TENT4B: variants seen among roughly 807,000 people sequenced by gnomAD.
TENT4B encodes the protein PAP associated domain containing 5.
In TENT4B, 10 loss-of-function variants were observed where a neutral mutation model predicts 75.0. The observed-to-expected ratio is 0.13, with a 90% confidence interval of 0.08 to 0.23. The LOEUF (loss-of-function observed/expected upper bound fraction) is 0.23. Among genes scored for constraint, TENT4B ranks in the 10% least tolerant of loss-of-function variants. The probability of loss-of-function intolerance (pLI) is 1.00; values close to 1 mark genes in which losing one functional copy is unlikely to be tolerated. For missense variants in TENT4B, 579 were observed against 893.8 expected, an observed-to-expected ratio of 0.65 and a Z score of 4.49; for synonymous variants, 350 against 357.7, an observed-to-expected ratio of 0.98 and a Z score of 0.24.
chr16:50,155,272 GGTGT>G lies in TENT4B; in HGVS notation c.638+1050_638+1053del, dbSNP rs60683678. 5.2e-4 allele frequency among the ~76,000 whole-genome samples: 71 copies of G among 135,478 alleles called. 1 individual carries two copies. Among genetic ancestry groups the G allele is most frequent in the South Asian group, 5.0e-3 (19 of 3,838 alleles). 88.9% of individuals were successfully genotyped at this position (135,478 alleles called of 152,430 possible). ...TAAAACAAAGCTTTTGGGTCTCGTG[GGTGT>G]GTGTGTGTGTGTGTGTGTGTGTGTG... On this transcript the variant is annotated intron_variant, in intron 1 of 11. Transcript: ENST00000561678.
At chr16:50,191,426 A>T (rs925572692) in intron 1 of TENT4B, among the ~76,000 whole-genome samples, 1 of 152,114 alleles carries the variant, frequency 6.6e-6, no homozygotes, top group South Asian at 2.1e-4. Flanking sequence ...AGTATGTTTA[A>T]CATTATTTAT....
chr16:50,172,332 G>A (rs2038221253), intron 1 of TENT4B, among the ~76,000 whole-genome samples: 2 of 151,820 alleles, frequency 1.3e-5, no homozygotes, highest in Non-Finnish European at 2.9e-5. Flanking sequence ...GTGACAGAGC[G>A]AGACTCTGTC....
intron 2 of TENT4B, among the ~76,000 whole-genome samples, chr16:50,212,335 G>T (rs1232508235): frequency 1.3e-5 from 2 of 152,126 alleles, no homozygotes; most frequent in Admixed American, 1.3e-4. Context: ...TAGGATTACA[G>T]GTGTGAGCCA....
Position 50,233,550 on chromosome 16 carries a change from A to C in TENT4B, c.*4222A>C. 1 of 985,118 alleles carries C rather than the reference A, an allele frequency of 1.0e-6. No individual in the cohort carries two copies. Among genetic ancestry groups the C allele is most frequent in the Non-Finnish European group, 1.2e-6 (1 of 829,674 alleles). The allele number at this position is 985,118 out of a possible 1,614,324, so 61.0% of individuals were successfully genotyped here. On this transcript the variant is annotated 3_prime_UTR_variant, in exon 12 of 12. Coordinates refer to ENST00000561678, the MANE Select transcript of TENT4B (RefSeq NM_001365324.3). Reference sequence around the variant, plus strand: ...TGAGCTAAATATATATAGACGTTGAATGTTGACAAAATTATTAACCAGAAA... The same window carrying C: ...TGAGCTAAATATATATAGACGTTGACTGTTGACAAAATTATTAACCAGAAA...
intron 1 of TENT4B, among the ~76,000 whole-genome samples, chr16:50,163,996 A>G (rs969762492): frequency 2.6e-5 from 4 of 151,618 alleles, no homozygotes; most frequent in Non-Finnish European, 5.9e-5. Context: ...CCTCTCTACT[A>G]AAAATACAAA....
Position 50,154,207 on chromosome 16 carries a change from G to A in TENT4B, c.586G>A (p.Val196Met), listed in dbSNP as rs1056677543. The A allele has an allele frequency of 1.3e-6, 2 of 1,495,108 alleles. No homozygotes were observed. The highest frequency in any genetic ancestry group is 1.8e-6 in the Non-Finnish European group (2 of 1,130,534). 92.6% of individuals were successfully genotyped at this position (1,495,108 alleles called of 1,614,324 possible). A position where few individuals can be genotyped will look rare whatever the true frequency, so the allele number is the denominator to read the frequency against. ...CGGCCGAGCAGACGGCGGCGGGGTC[G>A]TGTACAGCGGGACCCCGTGGAAACG... ...GGGRADGGGVVYSGTPWKRRN... is the reference protein window; with the variant it reads ...GGGRADGGGVMYSGTPWKRRN... Residue 196 changes from valine to methionine, a missense_variant, in exon 1 of 12, where the codon GTG becomes ATG. Around this residue, in one of 7 missense-constraint regions of TENT4B, gnomAD observed 253 missense variants for 270.1 expected, o/e 0.94. Transcript: ENST00000561678.
intron 1 of TENT4B, among the ~76,000 whole-genome samples, chr16:50,184,674 A>G (rs1158787203): frequency 4.0e-5 from 6 of 151,244 alleles, no homozygotes; most frequent in African/African-American, 1.5e-4. Context: ...CTCAAAAAGA[A>G]AAAAAAAAGA....
chr16:50,184,635 C>T (rs909755437), intron 1 of TENT4B, among the ~76,000 whole-genome samples: 10 of 151,982 alleles, frequency 6.6e-5, no homozygotes, highest in African/African-American at 2.2e-4. Context: ...CCACTGCACT[C>T]CAGCCTGGGC....
At chr16:50,221,562 ATAATC>A (rs1275914077) in intron 5 of TENT4B, among the ~76,000 whole-genome samples, 2 of 152,162 alleles carry the variant, frequency 1.3e-5, no homozygotes, top group African/African-American at 4.8e-5. Context: ...CTGTGGCAGA[ATAATC>A]TAAAGGTCGC....
Position 50,233,174 on chromosome 16 carries a change from A to G in TENT4B, c.*3846A>G. The G allele has an allele frequency of 1.0e-6, 1 of 984,744 alleles. No individual in the cohort carries two copies. Among genetic ancestry groups the G allele is most frequent in the Non-Finnish European group, 1.2e-6 (1 of 829,286 alleles). 61.0% of individuals were successfully genotyped at this position (984,744 alleles called of 1,614,324 possible). A position where few individuals can be genotyped will look rare whatever the true frequency, so the allele number is the denominator to read the frequency against. On this transcript the variant is annotated 3_prime_UTR_variant, in exon 12 of 12. Coordinates refer to ENST00000561678, the MANE Select transcript of TENT4B (RefSeq NM_001365324.3). ...GTAATTTTCATCAGGGTCATAGTTCATCTAGTAAAATATTTAGAGAATGAT... is the reference window on the plus strand; with the variant it reads ...GTAATTTTCATCAGGGTCATAGTTCGTCTAGTAAAATATTTAGAGAATGAT...
intron 1 of TENT4B, among the ~76,000 whole-genome samples, chr16:50,199,479 G>C (rs760562629): frequency 3.3e-5 from 5 of 152,160 alleles, no homozygotes; most frequent in African/African-American, 4.8e-5. Flanking sequence ...TTCAATAAAG[G>C]GTGCTGGACA....
rs1286962852 is a variant in TENT4B, at chr16:50,231,012, T to G, written c.*1684T>G. 3 of 983,140 alleles carry G rather than the reference T, an allele frequency of 3.1e-6. No homozygotes were observed. The highest frequency in any genetic ancestry group is 3.6e-6 in the Non-Finnish European group (3 of 827,586). The allele number at this position is 983,140 out of a possible 1,614,324, so 60.9% of individuals were successfully genotyped here. The stretch of plus-strand genomic sequence containing the variant: ...GACCAATCAGACCATTAATGGACAC[T>G]TAGTGTAACTTTTTATAAAGAAAAT... On this transcript the variant is annotated 3_prime_UTR_variant, in exon 12 of 12. Coordinates refer to ENST00000561678, the MANE Select transcript of TENT4B (RefSeq NM_001365324.3).
At chr16:50,174,742 CTTTTTTTT>C (rs35242106) in intron 1 of TENT4B, among the ~76,000 whole-genome samples, 2 of 75,824 alleles carry the variant, frequency 2.6e-5, no homozygotes, top group African/African-American at 4.8e-5. Flanking sequence ...CTCCCCTACT[CTTTTTTTT>C]TTTTTTTTTT....
chr16:50,191,690 C>T (rs547716224), intron 1 of TENT4B, among the ~76,000 whole-genome samples: 36 of 152,104 alleles, frequency 2.4e-4, no homozygotes, highest in Non-Finnish European at 4.3e-4. Context: ...GAGGCCGAGG[C>T]GGGCAGATCA....
intron 1 of TENT4B, among the ~76,000 whole-genome samples, chr16:50,183,427 T>A (rs1186892259): frequency 2.6e-5 from 4 of 152,110 alleles, no homozygotes; most frequent in African/African-American, 4.8e-5. Context: ...TGTTTTGAGA[T>A]GTATGACTGT....
chr16:50,168,177 A>T (rs1253175343), intron 1 of TENT4B, among the ~76,000 whole-genome samples: 1 of 149,120 alleles, frequency 6.7e-6, no homozygotes, highest in Non-Finnish European at 1.5e-5. Context: ...GACAATTTGC[A>T]TATGTCTTTA....
chr16:50,176,480 A>ATATACCAAT (rs2038311809), intron 1 of TENT4B, among the ~76,000 whole-genome samples: 1 of 140,784 alleles, frequency 7.1e-6, no homozygotes, highest in East Asian at 2.1e-4. Context: ...TGTCAACCAT[A>ATATACCAAT]TATACCAATA....
At chr16:50,225,982 T>C (rs575200647) in intron 10 of TENT4B, among the ~76,000 whole-genome samples, 1 of 150,674 alleles carries the variant, frequency 6.6e-6, no homozygotes, top group African/African-American at 2.4e-5. Context: ...ACACCTGGCC[T>C]TTAACGTTTT....
intron 1 of TENT4B, among the ~76,000 whole-genome samples, chr16:50,196,488 TATCATCATCATCATCATC>T (rs10536148): frequency 1.3e-5 from 2 of 149,742 alleles, no homozygotes; most frequent in Non-Finnish European, 3.0e-5. Flanking sequence ...AGTTTATCAT[TATCATCATCATCATCATC>T]ATCATCATCA....
Sources: allele counts gnomAD v4.1 joint callset (sites outside exome capture counted in the v4.1 genomes callset), GRCh38; gene constraint gnomAD v4.1.1; regional missense constraint gnomAD v4.1.1; transcripts MANE v1.5; gene names NCBI Gene and HGNC (gene_info 2026-07-23, HGNC 2026-07-21).